REPS2: variants seen among roughly 807,000 people sequenced by gnomAD.
The protein encoded by REPS2 is RALBP1 associated Eps domain containing 2, also known as ralBP1-associated Eps domain-containing protein 2.
REPS2 carries 23 observed loss-of-function variants against 53.6 expected under a neutral mutation model. That is an observed-to-expected ratio of 0.43 (90% CI 0.31 to 0.61). REPS2 has a LOEUF of 0.61. Ranked by LOEUF, REPS2 falls within the 20% of genes least tolerant of loss-of-function variation. The pLI is 0.11. For missense variants in REPS2, 446 were observed against 534.9 expected, an observed-to-expected ratio of 0.83 and a Z score of 1.64; for synonymous variants, 238 against 218.6, an observed-to-expected ratio of 1.09 and a Z score of -0.78.
chrX:16,991,290 C>A (rs2061160598), intron 1 of REPS2, among the ~76,000 whole-genome samples: 1 of 111,172 alleles, frequency 9.0e-6, no homozygotes, highest in Non-Finnish European at 1.9e-5. Flanking sequence ...GAGATTCATT[C>A]TCTTCTTCTC....
intron 2 of REPS2, among the ~76,000 whole-genome samples, chrX:17,016,156 T>C (rs1014098313): frequency 1.2e-4 from 14 of 112,208 alleles, no homozygotes; most frequent in African/African-American, 4.2e-4. Flanking sequence ...ATTTCTCTGA[T>C]GGCCAGTGAT....
chrX:17,018,438 C>T (rs950443300), intron 2 of REPS2, among the ~76,000 whole-genome samples: 9 of 110,466 alleles, frequency 8.1e-5, no homozygotes, highest in South Asian at 3.8e-4. Flanking sequence ...ATCTGCCCAC[C>T]TCAGCCTCCC....
chrX:17,097,029 G>A (rs991629545), intron 13 of REPS2, among the ~76,000 whole-genome samples: 2 of 112,073 alleles, frequency 1.8e-5, no homozygotes, highest in African/African-American at 6.5e-5. Flanking sequence ...ATAAAATGAT[G>A]GTAGAGAAAT....
intron 3 of REPS2, chrX:17,022,518 G>A (rs1057221465): frequency 1.6e-5 from 4 of 245,046 alleles, no homozygotes; most frequent in Non-Finnish European, 2.9e-5. Context: ...TAAGGCTACC[G>A]ATTTAATACA....
At chrX:17,177,358 C>T in the REPS2 span, among the ~76,000 whole-genome samples, 9 of 112,069 alleles carry the variant, frequency 8.0e-5, no homozygotes, top group South Asian at 2.3e-3. Flanking sequence ...TTCAGAAACA[C>T]GAGGGCCAGC....
At chrX:17,130,914 C>T (rs774523839) in intron 14 of REPS2, among the ~76,000 whole-genome samples, 218 of 111,985 alleles carry the variant, frequency 1.9e-3, no homozygotes, top group African/African-American at 6.6e-3. Flanking sequence ...TGCAATGATC[C>T]ATGCAAAGCC....
chrX:17,183,467 C>T, the REPS2 span, among the ~76,000 whole-genome samples: 1 of 112,196 alleles, frequency 8.9e-6, no homozygotes, highest in Non-Finnish European at 1.9e-5. Flanking sequence ...TACCAGTGAC[C>T]TAAAGTTTAT....
intron 14 of REPS2, among the ~76,000 whole-genome samples, chrX:17,128,771 A>C (rs910758197): frequency 8.9e-6 from 1 of 112,904 alleles, no homozygotes; most frequent in Non-Finnish European, 1.9e-5. Flanking sequence ...AGTTTGCCAC[A>C]TCATGAGTGG....
intron 1 of REPS2, chrX:16,978,637 T>G (rs773086910): frequency 2.2e-4 from 150 of 672,337 alleles, no homozygotes; most frequent in Non-Finnish European, 2.6e-4. Flanking sequence ...ATCTCAGAAG[T>G]TCTTGGTAGA....
At chrX:17,143,163 G>A (rs1372254643) in intron 17 of REPS2, among the ~76,000 whole-genome samples, 1 of 111,900 alleles carries the variant, frequency 8.9e-6, no homozygotes, top group African/African-American at 3.3e-5. Context: ...GGTTATGCAT[G>A]AGATGAGAGT....
the REPS2 span, among the ~76,000 whole-genome samples, chrX:17,187,489 G>A: frequency 2.7e-5 from 3 of 112,230 alleles, no homozygotes; most frequent in Non-Finnish European, 3.8e-5. Flanking sequence ...AATTAAAGCT[G>A]ACTGCAGGAG....
At chrX:17,051,285 A>G (rs950258767) in intron 6 of REPS2, among the ~76,000 whole-genome samples, 1 of 111,744 alleles carries the variant, frequency 8.9e-6, no homozygotes, top group Non-Finnish European at 1.9e-5. Context: ...GTTGCCTCCA[A>G]ATCTCAGCTA....
At chrX:17,155,732 C>G (rs1461165973), downstream of REPS2, among the ~76,000 whole-genome samples, 1 of 112,039 alleles carries the variant, frequency 8.9e-6, no homozygotes, top group Non-Finnish European at 1.9e-5. Flanking sequence ...ACCAAACCTG[C>G]TAGTTTAATT....
the REPS2 span, among the ~76,000 whole-genome samples, chrX:17,165,823 T>C: frequency 9.0e-6 from 1 of 111,240 alleles, no homozygotes; most frequent in African/African-American, 3.3e-5. Flanking sequence ...GAGAATGTTA[T>C]GCCCTGTCCT....
At chrX:17,146,110 G>GA (rs149334711) in intron 17 of REPS2, among the ~76,000 whole-genome samples, 1,225 of 76,991 alleles carry the variant, frequency 0.016, 35 homozygotes, top group African/African-American at 0.052. Flanking sequence ...CTCTGTCTCA[G>GA]AAAAAAAAAA....
chrX:16,973,087 T>C (rs2060914290), intron 1 of REPS2, among the ~76,000 whole-genome samples: 1 of 111,892 alleles, frequency 8.9e-6, no homozygotes, highest in Non-Finnish European at 1.9e-5. Context: ...AGATCAATAT[T>C]TTGTAGAATG....
At chrX:17,054,487 T>C (rs2062040728) in intron 7 of REPS2, among the ~76,000 whole-genome samples, 1 of 112,512 alleles carries the variant, frequency 8.9e-6, no homozygotes, top group South Asian at 3.6e-4. Context: ...ATTTACTGAA[T>C]GACTGTGGAC....
At chrX:16,964,983 G>T (rs1299618134) in intron 1 of REPS2, among the ~76,000 whole-genome samples, 3 of 81,312 alleles carry the variant, frequency 3.7e-5, no homozygotes, top group Non-Finnish European at 7.3e-5. Context: ...TCCCAGTAGG[G>T]GCGCCCGGGC....
intron 13 of REPS2, among the ~76,000 whole-genome samples, chrX:17,098,388 A>G (rs769902930): frequency 8.9e-6 from 1 of 112,118 alleles, no homozygotes; most frequent in Admixed American, 9.4e-5. Context: ...TATTTTTTTC[A>G]GGGATTATAT....
Sources: allele counts gnomAD v4.1 joint callset (sites outside exome capture counted in the v4.1 genomes callset), GRCh38; gene constraint gnomAD v4.1.1; transcripts MANE v1.5; gene names NCBI Gene and HGNC (gene_info 2026-07-23, HGNC 2026-07-21).